The following CORO2B variants were observed in gnomAD, a reference collection of about 807,000 sequenced individuals.
The protein encoded by CORO2B is coronin-2B.
A neutral mutation model predicts 58.8 loss-of-function variants in CORO2B; 26 were observed. That is an observed-to-expected ratio of 0.44 (90% confidence interval 0.32 to 0.61). CORO2B has a LOEUF of 0.61. Among genes scored for constraint, CORO2B ranks in the 20% least tolerant of loss-of-function variants. CORO2B has a pLI of 0.04. For synonymous variants in CORO2B, 242 were observed against 253.8 expected (o/e 0.95, Z 0.44); for missense variants, 460 against 645.1 (o/e 0.71, Z 3.11).
chr15:68,606,364 C>T (rs1900124717), intron 1 of CORO2B, among the ~76,000 whole-genome samples: 1 of 152,130 alleles, frequency 6.6e-6, no homozygotes, highest in Non-Finnish European at 1.5e-5. Flanking sequence ...GGCCTCTGGG[C>T]TGTGGTTGGG....
chr15:68,609,000 C>T (rs886596640), intron 1 of CORO2B, among the ~76,000 whole-genome samples: 3 of 152,164 alleles, frequency 2.0e-5, no homozygotes, highest in African/African-American at 4.8e-5. Context: ...CCTCAAGGTG[C>T]AGCAGAGAGG....
intron 1 of CORO2B, among the ~76,000 whole-genome samples, chr15:68,632,639 G>A (rs973139467): frequency 1.3e-5 from 2 of 152,188 alleles, no homozygotes; most frequent in African/African-American, 4.8e-5. Context: ...CATCCAGGCT[G>A]GAGTGCAGTG....
At chr15:68,519,952 A>G in the CORO2B span, among the ~76,000 whole-genome samples, 2 of 152,240 alleles carry the variant, frequency 1.3e-5, no homozygotes, top group African/African-American at 2.4e-5. Flanking sequence ...CTTTAGTTCC[A>G]TAAGTTTTGA....
At chr15:68,591,791 C>T (rs756935135) in intron 1 of CORO2B, among the ~76,000 whole-genome samples, 9 of 152,234 alleles carry the variant, frequency 5.9e-5, no homozygotes, top group Non-Finnish European at 7.4e-5. Context: ...CCAGATGGTT[C>T]GATCTAAGGG....
At chr15:68,651,891 T>C (rs1296805627) in intron 2 of CORO2B, among the ~76,000 whole-genome samples, 1 of 152,166 alleles carries the variant, frequency 6.6e-6, no homozygotes, top group African/African-American at 2.4e-5. Context: ...ATATTTATGA[T>C]TAAAAATTCT....
rs376283564 is a variant in CORO2B at position 68,719,250 on chromosome 15, G to T, written c.1171+16G>T. On this transcript the variant is annotated intron_variant, in intron 10 of 11. Coordinates refer to ENST00000261861, the MANE Select transcript of CORO2B (RefSeq NM_006091.5). ...ATCAACCGAGGTACCACAGCGGGGG[G>T]CTCCACAGAGCACAGGCGGCTGCAG... 9.3e-6 allele frequency: 15 copies of T among 1,611,276 alleles called. No individual in the cohort carries two copies. In the African/African-American group the frequency reaches 1.6e-4, roughly 17 times the overall value.
intron 1 of CORO2B, among the ~76,000 whole-genome samples, chr15:68,638,129 G>A (rs1901091934): frequency 6.6e-6 from 1 of 152,136 alleles, no homozygotes; most frequent in African/African-American, 2.4e-5. Context: ...CCCAGGGAGA[G>A]GCTGCCAGGG....
the CORO2B span, among the ~76,000 whole-genome samples, chr15:68,550,674 T>G: frequency 6.6e-6 from 1 of 152,210 alleles, no homozygotes; most frequent in African/African-American, 2.4e-5. Flanking sequence ...CTACCCAGAA[T>G]GTCCAGCAGG....
intron 2 of CORO2B, among the ~76,000 whole-genome samples, chr15:68,666,522 CT>C (rs1902197840): frequency 1.3e-5 from 2 of 152,220 alleles, no homozygotes; most frequent in East Asian, 1.9e-4. Flanking sequence ...TTTCCTTTCT[CT>C]TTCTTTCTGT....
intron 2 of CORO2B, among the ~76,000 whole-genome samples, chr15:68,688,920 C>T (rs1388447): frequency 0.89 from 135,220 of 152,196 alleles, 60,991 homozygotes; most frequent in South Asian, 0.97. Flanking sequence ...TGGAGCAGGG[C>T]GTCCATGCCC....
At chr15:68,598,081 C>A (rs140479644) in intron 1 of CORO2B, among the ~76,000 whole-genome samples, 37 of 152,368 alleles carry the variant, frequency 2.4e-4, no homozygotes, top group African/African-American at 7.5e-4. Context: ...TCCAGACCCC[C>A]TCCACCACCT....
chr15:68,561,093 A>G, the CORO2B span, among the ~76,000 whole-genome samples: 74,415 of 152,020 alleles, frequency 0.49, 19,212 homozygotes, highest in East Asian at 0.79. Flanking sequence ...CGCGTCCCCC[A>G]GGCTCCCAGC....
chr15:68,695,085 A>G, intron 2 of CORO2B, 55 bp from the exon 3 acceptor site: 1 of 1,396,876 alleles, frequency 7.2e-7, no homozygotes, highest in Non-Finnish European at 1.0e-6. Context: ...ATTCAAGGCC[A>G]CCCCAGGGCC....
intron 1 of CORO2B, among the ~76,000 whole-genome samples, chr15:68,600,729 GAGA>G (rs1407629928): frequency 1.3e-5 from 2 of 152,190 alleles, no homozygotes; most frequent in African/African-American, 4.8e-5. Flanking sequence ...GGAAGATGTG[GAGA>G]AGAAAAGGAC....
At chr15:68,719,985 C>T (rs747214567) in intron 11 of CORO2B, among the ~76,000 whole-genome samples, 1 of 152,192 alleles carries the variant, frequency 6.6e-6, no homozygotes, top group Non-Finnish European at 1.5e-5. Flanking sequence ...TGAAGGTGCT[C>T]TCTGTACCAC....
chr15:68,699,953 C>G (rs1892600616), intron 3 of CORO2B, among the ~76,000 whole-genome samples: 1 of 152,226 alleles, frequency 6.6e-6, no homozygotes, highest in African/African-American at 2.4e-5. Flanking sequence ...AGGGTCCAAC[C>G]TGGGTGCTGG....
At chr15:68,666,734 C>T (rs887786585) in intron 2 of CORO2B, among the ~76,000 whole-genome samples, 2 of 152,150 alleles carry the variant, frequency 1.3e-5, no homozygotes, top group South Asian at 2.1e-4. Context: ...AGTTTTGTGC[C>T]TCTCTAAGCC....
chr15:68,533,311 G>A, the CORO2B span, among the ~76,000 whole-genome samples: 1 of 152,108 alleles, frequency 6.6e-6, no homozygotes, highest in African/African-American at 2.4e-5. Context: ...TTCTGTTGCT[G>A]TATTATAACC....
chr15:68,557,741 A>C, the CORO2B span, among the ~76,000 whole-genome samples: 1 of 152,244 alleles, frequency 6.6e-6, no homozygotes, highest in Admixed American at 6.5e-5. Flanking sequence ...CAGAGCTGCA[A>C]GGTGGCAATG....
Sources: gnomAD v4.1 joint callset for allele counts (sites outside exome capture counted in the v4.1 genomes callset) on GRCh38, gnomAD v4.1.1 for gene constraint, MANE v1.5 for transcripts, NCBI Gene and HGNC (gene_info 2026-07-23, HGNC 2026-07-21) for gene names.